TNRC6A: variants seen among roughly 807,000 people sequenced by gnomAD.
TNRC6A encodes trinucleotide repeat-containing gene 6A protein.
In TNRC6A, 44 loss-of-function variants were observed where a neutral mutation model predicts 221.2. The ratio of observed to expected loss-of-function variants is 0.20; its 90% CI spans 0.16 to 0.26. The LOEUF is 0.26. Ranked by LOEUF, TNRC6A falls within the 10% of genes least tolerant of loss-of-function variation. The pLI, the probability that TNRC6A is intolerant of heterozygous loss-of-function variation, is 1.00. For missense variants in TNRC6A, 2,199 were observed against 2,404.4 expected, an observed-to-expected ratio of 0.91 and a Z score of 1.79; for synonymous variants, 847 against 838.5, an observed-to-expected ratio of 1.01 and a Z score of -0.18.
At chr16:24,652,291 G>A (rs886635053) in intron 2 of TNRC6A, among the ~76,000 whole-genome samples, 4 of 152,164 alleles carry the variant, frequency 2.6e-5, no homozygotes, top group Non-Finnish European at 4.4e-5. Context: ...CTGCAATCCC[G>A]ATTATATGGT....
chr16:24,643,427 T>A (rs1440532712), intron 2 of TNRC6A, among the ~76,000 whole-genome samples: 2 of 152,070 alleles, frequency 1.3e-5, no homozygotes, highest in Non-Finnish European at 2.9e-5. Context: ...TCCTAACCTA[T>A]GTCTTAATCT....
rs73551503 is a variant in TNRC6A at position 24,764,225 on chromosome 16, A to G, written c.163+5865A>G. On this transcript the variant is annotated intron_variant, in intron 4 of 24. Transcript: ENST00000395799. ...TTCTGTGTCTGGCTTACATCACTCA[A>G]TGTCTTCCAGGTTCATCCATGTTGT... Among the ~76,000 whole-genome samples, 1,115 of 151,636 alleles carry G rather than the reference A, an allele frequency of 7.4e-3. 9 individuals are homozygous for G. The highest frequency in any genetic ancestry group is 0.024 in the African/African-American group (987 of 41,288).
chr16:24,696,113 C>T (rs1301017303), intron 2 of TNRC6A, among the ~76,000 whole-genome samples: 2 of 152,004 alleles, frequency 1.3e-5, no homozygotes, highest in South Asian at 4.1e-4. Context: ...CTTTGGGAGG[C>T]CGAGGCGGGT....
At chr16:24,772,387 G>T (rs942008604) in intron 4 of TNRC6A, among the ~76,000 whole-genome samples, 2 of 151,104 alleles carry the variant, frequency 1.3e-5, no homozygotes, top group Non-Finnish European at 2.9e-5. Flanking sequence ...TTGAAACAAG[G>T]TCTTGTTGTT....
At chr16:24,705,512 A>G (rs557562931) in intron 2 of TNRC6A, among the ~76,000 whole-genome samples, 1 of 152,232 alleles carries the variant, frequency 6.6e-6, no homozygotes, top group Admixed American at 6.5e-5. Flanking sequence ...TTGTAATTTT[A>G]GTAGAGATGG....
chr16:24,766,469 C>T (rs1050931614), intron 4 of TNRC6A, among the ~76,000 whole-genome samples: 4 of 152,002 alleles, frequency 2.6e-5, no homozygotes, highest in Admixed American at 6.6e-5. Flanking sequence ...TCCTCCATAC[C>T]CAGAAGTGAT....
At chr16:24,797,835 A>G (rs1160979712) in intron 10 of TNRC6A, 80 bp from the exon 11 acceptor site, 21 of 1,264,508 alleles carry the variant, frequency 1.7e-5, no homozygotes, top group Non-Finnish European at 2.2e-5. Flanking sequence ...AGATAATGAA[A>G]CACAGTAAAA....
intron 11 of TNRC6A, among the ~76,000 whole-genome samples, chr16:24,802,284 C>T (rs1375637048): frequency 1.3e-5 from 2 of 152,174 alleles, no homozygotes; most frequent in Non-Finnish European, 1.5e-5. Context: ...CACAGTGGCT[C>T]ATGACTGTGA....
intron 1 of TNRC6A, among the ~76,000 whole-genome samples, chr16:24,636,618 C>T (rs1901649328): frequency 6.6e-6 from 1 of 152,086 alleles, no homozygotes; most frequent in Non-Finnish European, 1.5e-5. Context: ...ATCTTCTCAC[C>T]TCAGCTGAGA....
intron 2 of TNRC6A, among the ~76,000 whole-genome samples, chr16:24,696,038 T>C (rs1372059084): frequency 1.3e-5 from 2 of 152,110 alleles, no homozygotes; most frequent in Non-Finnish European, 2.9e-5. Flanking sequence ...AAAACTCCAC[T>C]GCGCTTTTTA....
At chr16:24,786,675 C>A (rs557099467) in intron 5 of TNRC6A, among the ~76,000 whole-genome samples, 1 of 148,204 alleles carries the variant, frequency 6.7e-6, no homozygotes, top group Non-Finnish European at 1.5e-5. Flanking sequence ...AATACTGTTT[C>A]GTTTTTGTTG....
Position 24,734,079 on chromosome 16 carries a change from G to A in TNRC6A, c.53+3779G>A, listed in dbSNP as rs111343492. 3.3e-5 allele frequency among the ~76,000 whole-genome samples: 5 copies of A among 152,284 alleles called. No homozygotes were observed. In the South Asian group the frequency reaches 8.3e-4, roughly 25 times the overall value. On this transcript the variant is annotated intron_variant, in intron 2 of 24. Transcript: ENST00000395799. ...AGTCCCAGCTACTTGGGAGGCTGAG[G>A]TGGGAGGTTTGCTTGAGCCCAGCAG...
At chr16:24,612,993 T>A (rs6497747) in intron 1 of TNRC6A, among the ~76,000 whole-genome samples, 39,995 of 151,012 alleles carry the variant, frequency 0.26, 5,402 homozygotes, top group Middle Eastern at 0.36. Context: ...ACACCTGTAG[T>A]CCCAGCTACT....
At chr16:24,736,104 G>A (rs2056761016) in intron 2 of TNRC6A, among the ~76,000 whole-genome samples, 1 of 152,202 alleles carries the variant, frequency 6.6e-6, no homozygotes, top group Non-Finnish European at 1.5e-5. Context: ...GGCGAGGGTT[G>A]CAGTGAGCCG....
At chr16:24,656,810 G>A (rs1046076809) in intron 2 of TNRC6A, among the ~76,000 whole-genome samples, 5 of 151,990 alleles carry the variant, frequency 3.3e-5, no homozygotes, top group Admixed American at 6.6e-5. Context: ...TGTAATCAGA[G>A]GCAAAATTGT....
At chr16:24,666,668 A>AATATATATATATAT (rs1555487102) in intron 2 of TNRC6A, among the ~76,000 whole-genome samples, 128 of 65,120 alleles carry the variant, frequency 2.0e-3, no homozygotes, top group African/African-American at 8.5e-3. Context: ...AAAAAAAAAA[A>AATATATATATATAT]ATATATATAT....
intron 2 of TNRC6A, among the ~76,000 whole-genome samples, chr16:24,658,734 T>C (rs550701438): frequency 6.6e-6 from 1 of 152,154 alleles, no homozygotes; most frequent in South Asian, 2.1e-4. Context: ...AATTATTTAT[T>C]TTACTCTAAC....
chr16:24,696,728 CAAA>C (rs1251210834), intron 2 of TNRC6A, among the ~76,000 whole-genome samples: 1 of 45,140 alleles, frequency 2.2e-5, no homozygotes, highest in Admixed American at 3.7e-4. Context: ...GACCCTGTCT[CAAA>C]AAAAAAAAAA....
At chr16:24,648,274 C>CTTTT (rs71156430) in intron 2 of TNRC6A, among the ~76,000 whole-genome samples, 3 of 97,890 alleles carry the variant, frequency 3.1e-5, no homozygotes, top group East Asian at 5.2e-4. Context: ...TCCACAGCAA[C>CTTTT]TTTTTTTTTT....
Sources: gnomAD v4.1 joint callset for allele counts (sites outside exome capture counted in the v4.1 genomes callset) on GRCh38, gnomAD v4.1.1 for gene constraint, MANE v1.5 for transcripts, NCBI Gene and HGNC (gene_info 2026-07-23, HGNC 2026-07-21) for gene names.